Variants in SLC22A7 observed in about 807,000 individuals in gnomAD.
SLC22A7 encodes hOAT2.
Under a neutral mutation model 62.2 loss-of-function variants are expected in SLC22A7, and 48 were observed. The ratio of observed to expected loss-of-function variants is 0.77; its 90% confidence interval spans 0.61 to 0.98. The LOEUF (loss-of-function observed/expected upper bound fraction) is 0.98, where lower values mean the gene tolerates loss of function less well. Among genes scored for constraint, SLC22A7 ranks in the 50% least tolerant of loss-of-function variants. SLC22A7 has a pLI of 0.00. For synonymous variants in SLC22A7, 276 were observed against 314.8 expected, an observed-to-expected ratio of 0.88 and a Z score of 1.30; for missense variants, 581 against 703.8, an observed-to-expected ratio of 0.83 and a Z score of 1.97.
In SLC22A7 at chr6:43,304,172, G is replaced by A; in HGVS notation, c.1520G>A (p.Gly507Asp). 1.9e-6 allele frequency: 3 copies of A among 1,601,158 alleles called. No individual in the cohort carries two copies. The highest frequency in any genetic ancestry group is 2.6e-6 in the Non-Finnish European group (3 of 1,172,446). ...TYGGIALLAA[G>D]TALLLPETRQ... is the part of the protein sequence containing the mutation. ...GGGGGGATCGCCCTGCTGGCTGCCG[G>A]CACCGCCCTCCTGCTGCCAGAGACG... Residue 507 changes from glycine (G) to aspartate (D), a missense_variant, in exon 10 of 11, where the codon GGC (glycine) becomes GAC (aspartate). Gly to Asp is a moderately conservative substitution (Grantham distance 94). Transcript: ENST00000372585.
intron 10 of SLC22A7, 58 bp downstream of exon 10, chr6:43,304,302 C>A: frequency 7.4e-7 from 1 of 1,357,558 alleles, no homozygotes; most frequent in Non-Finnish European, 9.8e-7. Flanking sequence ...GATGCAGGTG[C>A]TCAGATACCT....
In SLC22A7 at chr6:43,303,891, G is replaced by A. The variant is rs1407832787; in HGVS notation, c.1386-147G>A. ...CTCCTGGCCTGAAGGTGGGTGGGAA[G>A]ACCAACTGAAAGAAGTCCTAGTTTT... On this transcript the variant is annotated intron_variant, in intron 9 of 10. Transcript: ENST00000372585. The A allele has an allele frequency of 9.4e-6, 6 of 637,540 alleles. No homozygotes were observed. In the East Asian group the frequency reaches 1.8e-4, roughly 19 times the overall value. 39.5% of individuals were successfully genotyped at this position (637,540 alleles called of 1,614,324 possible).
Position 43,298,769 on chromosome 6 carries a change from T to C in SLC22A7, c.393+18T>C, listed in dbSNP as rs750511425. On this transcript the variant is annotated intron_variant, in intron 1 of 10. Coordinates refer to ENST00000372585, the MANE Select transcript of SLC22A7 (RefSeq NM_153320.2). Reference sequence around the variant, plus strand: ...CAACTGAGGTACTTAAGCCCAGAAGTTGAGAGACATGTGAGAGGGATGGGC... The same window carrying C: ...CAACTGAGGTACTTAAGCCCAGAAGCTGAGAGACATGTGAGAGGGATGGGC... 7 of 1,505,604 alleles carry C rather than the reference T, an allele frequency of 4.6e-6. No homozygotes were observed. Among genetic ancestry groups the C allele is most frequent in the East Asian group, 2.3e-5 (1 of 44,006 alleles). 93.3% of individuals were successfully genotyped at this position (1,505,604 alleles called of 1,614,324 possible).
chr6:43,298,284 T>G lies in SLC22A7; in HGVS notation c.-75T>G. 1 of 1,297,990 alleles carries G rather than the reference T, an allele frequency of 7.7e-7. No homozygotes were observed. The highest frequency in any genetic ancestry group is 1.1e-6 in the Non-Finnish European group (1 of 928,496). The allele number at this position is 1,297,990 out of a possible 1,614,324, so 80.4% of individuals were successfully genotyped here. On this transcript the variant is annotated 5_prime_UTR_variant, in exon 1 of 11. Coordinates refer to ENST00000372585, the MANE Select transcript of SLC22A7 (RefSeq NM_153320.2). ...CACTCCCACCTCCAGAGTCCAAGGG[T>G]CTATGTGGTGGGCAGTTTGAGCTGG...
At chr6:43,297,799 G>T (rs1392699436), upstream of SLC22A7, among the ~76,000 whole-genome samples, 1 of 152,216 alleles carries the variant, frequency 6.6e-6, no homozygotes, top group Non-Finnish European at 1.5e-5. Context: ...CCCAGCAGGG[G>T]AGAGGGATGC....
rs1778884539 is a variant in SLC22A7 at position 43,304,793 on chromosome 6, C to T, written c.*68C>T. 5.3e-6 allele frequency: 7 copies of T among 1,312,558 alleles called. No individual in the cohort carries two copies. Among genetic ancestry groups the T allele is most frequent in the Non-Finnish European group, 7.3e-6 (7 of 959,432 alleles). The allele number at this position is 1,312,558 out of a possible 1,614,324, so 81.3% of individuals were successfully genotyped here. ...GGCTGGGAGAGCAGAAGGGCAGGCCCTGCAACTCAGGCTGGGAGTATCGAA... is the reference window on the plus strand; with the variant it reads ...GGCTGGGAGAGCAGAAGGGCAGGCCTTGCAACTCAGGCTGGGAGTATCGAA... On this transcript the variant is annotated 3_prime_UTR_variant, in exon 11 of 11. Coordinates refer to ENST00000372585, the MANE Select transcript of SLC22A7 (RefSeq NM_153320.2).
At chr6:43,303,474 G>GA (rs927509873) in intron 9 of SLC22A7, among the ~76,000 whole-genome samples, 1 of 148,872 alleles carries the variant, frequency 6.7e-6, no homozygotes, top group African/African-American at 2.5e-5. Flanking sequence ...ATAAATAAAA[G>GA]AAAAAAATTA....
Position 43,304,772 on chromosome 6 carries a change from G to A in SLC22A7, c.*47G>A. On this transcript the variant is annotated 3_prime_UTR_variant, in exon 11 of 11. Transcript: ENST00000372585. The stretch of plus-strand genomic sequence containing the variant: ...CCACAGAAGCTCTGCAGCAGGGGCT[G>A]GGAGAGCAGAAGGGCAGGCCCTGCA... 1 of 1,454,422 alleles carries A rather than the reference G, an allele frequency of 6.9e-7. No individual in the cohort carries two copies. The highest frequency in any genetic ancestry group is 9.3e-7 in the Non-Finnish European group (1 of 1,075,692). 90.1% of individuals were successfully genotyped at this position (1,454,422 alleles called of 1,614,324 possible).
chr6:43,301,867 C>G (rs189774505), intron 7 of SLC22A7, among the ~76,000 whole-genome samples, 175 bp downstream of exon 7: 126 of 152,258 alleles, frequency 8.3e-4, no homozygotes, highest in Admixed American at 1.9e-3. Flanking sequence ...AAGCAGGTAG[C>G]AGAGACACAT....
At position 43,299,074 on chromosome 6, in the gene SLC22A7, T is replaced by C. The variant is rs776232589; in HGVS notation, c.394-18T>C. ...GAGAAACAATAGAGGCCTTCTTTTC[T>C]CCCTTCCTCTTTTCCAGTCCCAGGT... On this transcript the variant is annotated intron_variant, in intron 1 of 10. Coordinates refer to ENST00000372585, the MANE Select transcript of SLC22A7 (RefSeq NM_153320.2). This position sits in a 1 kb window ranked among gnomAD's most constrained non-coding sequence, Gnocchi z 4.4. 2 of 1,581,760 alleles carry C rather than the reference T, an allele frequency of 1.3e-6. No individual in the cohort carries two copies. The highest frequency in any genetic ancestry group is 1.7e-6 in the Non-Finnish European group (2 of 1,164,476).
chr6:43,303,705 C>T (rs1180336712), intron 9 of SLC22A7, among the ~76,000 whole-genome samples: 1 of 152,118 alleles, frequency 6.6e-6, no homozygotes, highest in Non-Finnish European at 1.5e-5. Context: ...TTTGCCTCCT[C>T]GAACAACATG....
Position 43,301,147 on chromosome 6 carries a change from G to A in SLC22A7, c.840G>A (p.Glu280=), listed in dbSNP as rs1181561920. The A allele has an allele frequency of 5.0e-6, 8 of 1,614,100 alleles. No homozygotes were observed. In the African/African-American group the frequency reaches 8.0e-5, roughly 16 times the overall value. Residue 280 remains glutamate (E), a synonymous_variant, in exon 6 of 11, where the codon GAG becomes GAA. Transcript: ENST00000372585. ...TGCCTATTCCTAGGTGGGTGCCTGAGTCTGCACGCTGGCTTCTGACCCAAG... is the reference window on the plus strand; with the variant it reads ...TGCCTATTCCTAGGTGGGTGCCTGAATCTGCACGCTGGCTTCTGACCCAAG... ...PGILSLWWVP[E]SARWLLTQGH...
At chr6:43,301,065 G>C in intron 5 of SLC22A7, 70 bp from the exon 6 acceptor site, 1 of 1,597,220 alleles carries the variant, frequency 6.3e-7, no homozygotes, top group Non-Finnish European at 8.6e-7. Context: ...TTGAGAGCCT[G>C]TAGTATGTCC....
chr6:43,300,867 G>A (rs1778716337), intron 5 of SLC22A7, among the ~76,000 whole-genome samples: 1 of 152,162 alleles, frequency 6.6e-6, no homozygotes, highest in African/African-American at 2.4e-5. Flanking sequence ...GAACTCCTGG[G>A]CTCAAACCCA....
intron 5 of SLC22A7, 107 bp downstream of exon 5, chr6:43,300,173 G>A: frequency 8.8e-7 from 1 of 1,142,258 alleles, no homozygotes; most frequent in Non-Finnish European, 1.2e-6. Context: ...AAGGGAAAGA[G>A]AAACGAAGTG....
chr6:43,297,049 C>T (rs2651185), upstream of SLC22A7, among the ~76,000 whole-genome samples: 149,507 of 152,200 alleles, frequency 0.98, 73,475 homozygotes, highest in East Asian at 1. Context: ...CATTTCTTCT[C>T]ATTGTCACCC....
Position 43,298,884 on chromosome 6 carries a change from TA to T in SLC22A7, c.393+134del, listed in dbSNP as rs1406319304. 66 of 1,347,590 alleles carry T rather than the reference TA, an allele frequency of 4.9e-5. No homozygotes were observed. In the African/African-American group the frequency reaches 6.6e-4, roughly 13 times the overall value. The allele number at this position is 1,347,590 out of a possible 1,614,324, so 83.5% of individuals were successfully genotyped here. A position where few individuals can be genotyped will look rare whatever the true frequency, so the allele number is the denominator to read the frequency against. ...AGTTTACCAATCTGTAGATGGGGGC[TA>T]TGAATATAAGGCACTTTTAGTTCAT... is the stretch of plus-strand genomic sequence containing the variant. On this transcript the variant is annotated intron_variant, in intron 1 of 10. Coordinates refer to ENST00000372585, the MANE Select transcript of SLC22A7 (RefSeq NM_153320.2).
chr6:43,301,355 GA>G, intron 6 of SLC22A7, 97 bp downstream of exon 6: 1 of 1,546,148 alleles, frequency 6.5e-7, no homozygotes, highest in Non-Finnish European at 8.8e-7. Context: ...TATATGGCAG[GA>G]AAAGCCCCTG....
At chr6:43,298,882 G>A (rs1778632011) in intron 1 of SLC22A7, 131 bp downstream of exon 1, 2 of 1,354,576 alleles carry the variant, frequency 1.5e-6, no homozygotes, top group Non-Finnish European at 2.0e-6. Context: ...GTAGATGGGG[G>A]CTATGAATAT....
Sources: gnomAD v4.1 joint callset for allele counts (sites outside exome capture counted in the v4.1 genomes callset) on GRCh38, gnomAD v4.1.1 for gene constraint, Gnocchi (gnomAD v3.1) non-coding constraint, MANE v1.5 for transcripts, NCBI Gene and HGNC (gene_info 2026-07-23, HGNC 2026-07-21) for gene names.